The following UBN2 variants were observed in gnomAD, a reference collection of about 807,000 sequenced individuals.
UBN2 encodes ubinuclein-2.
UBN2 carries 35 observed loss-of-function variants against 120.2 expected under a neutral mutation model. The observed-to-expected ratio is 0.29, with a 90% CI of 0.22 to 0.39. UBN2 has a LOEUF of 0.39. Ranked by LOEUF, UBN2 falls within the 10% of genes least tolerant of loss-of-function variation. UBN2 has a pLI of 1.00. For synonymous variants in UBN2, 661 were observed against 648.7 expected (o/e 1.02, Z -0.29); for missense variants, 1,693 against 1,663.2 (o/e 1.02, Z -0.31).
At chr7:139,290,411 T>C (rs1410243336) in intron 15 of UBN2, among the ~76,000 whole-genome samples, 1 of 152,228 alleles carries the variant, frequency 6.6e-6, no homozygotes, top group Non-Finnish European at 1.5e-5. Context: ...CATGGAGTGG[T>C]GAAGATTTGT....
chr7:139,279,515 G>T (rs1209781990), intron 13 of UBN2, among the ~76,000 whole-genome samples, 155 bp downstream of exon 13: 2 of 152,170 alleles, frequency 1.3e-5, no homozygotes, highest in Non-Finnish European at 2.9e-5. Flanking sequence ...TTTTGTATTT[G>T]GGAGAATAGA....
At position 139,275,299 on chromosome 7, in the gene UBN2, A is replaced by G. The variant is rs558542358; in HGVS notation, c.1974-798A>G. The stretch of plus-strand genomic sequence containing the variant: ...TCTCAAAAAAAAAAAAAAAAAAAAA[A>G]GTCGCTGGGCACGGTGGCTCACGCC... On this transcript the variant is annotated intron_variant, in intron 11 of 17. Transcript: ENST00000473989. 4.2e-3 allele frequency among the ~76,000 whole-genome samples: 599 copies of G among 142,532 alleles called. 1 individual carries two copies. The highest frequency in any genetic ancestry group is 7.0e-3 in the Non-Finnish European group (458 of 65,272). 93.5% of individuals were successfully genotyped at this position (142,532 alleles called of 152,430 possible). A position where few individuals can be genotyped will look rare whatever the true frequency, so the allele number is the denominator to read the frequency against.
intron 17 of UBN2, among the ~76,000 whole-genome samples, chr7:139,297,574 T>A (rs1217583378): frequency 6.6e-6 from 1 of 152,154 alleles, no homozygotes; most frequent in Non-Finnish European, 1.5e-5. Flanking sequence ...CCACAGTCAT[T>A]TGAGAGAAGA....
At chr7:139,294,404 C>T (rs1053184190) in intron 17 of UBN2, among the ~76,000 whole-genome samples, 6 of 152,220 alleles carry the variant, frequency 3.9e-5, no homozygotes, top group Admixed American at 2.6e-4. Flanking sequence ...GAAACTGAAT[C>T]AGAGAGCTAA....
Position 139,293,980 on chromosome 7 carries a change from C to G in UBN2, c.3993C>G (p.His1331Gln). The G allele has an allele frequency of 6.2e-7, 1 of 1,613,778 alleles. No individual in the cohort carries two copies. The highest frequency in any genetic ancestry group is 2.2e-5 in the East Asian group (1 of 44,864). Residue 1331 changes from histidine (H) to glutamine (Q), a missense_variant and splice_region_variant, in exon 17 of 18, where the codon CAC becomes CAG. By Grantham distance (24) the His-to-Gln change is conservative (BLOSUM62 0). Transcript: ENST00000473989. ...CTGCACACTTACAGCAAGCATTTCA[C>G]GGTGAGAACGCCACCTCCTTCATCT... ...PLPAHLQQAF[H>Q]DGGQSKGDTK...
Position 139,304,067 on chromosome 7 carries a change from T to C in UBN2, c.*6231T>C, listed in dbSNP as rs1364239825. ...TGTTTGAGGACGGATAGCTAAGCTT[T>C]TTAACTTTCTAAGAATGAGTATGAT... is the stretch of plus-strand genomic sequence containing the variant. On this transcript the variant is annotated 3_prime_UTR_variant, in exon 18 of 18. Coordinates refer to ENST00000473989, the MANE Select transcript of UBN2 (RefSeq NM_173569.4). 1 of 152,156 alleles carries C rather than the reference T, an allele frequency of 6.6e-6. No individual in the cohort carries two copies. The highest frequency in any genetic ancestry group is 2.4e-5 in the African/African-American group (1 of 41,422). The allele number at this position is 152,156 out of a possible 1,614,324, so 9.4% of individuals were successfully genotyped here. A position where few individuals can be genotyped will look rare whatever the true frequency, so the allele number is the denominator to read the frequency against.
intron 1 of UBN2, 92 bp downstream of exon 1, chr7:139,232,044 A>T (rs1319027885): frequency 3.0e-6 from 4 of 1,315,868 alleles, no homozygotes; most frequent in Non-Finnish European, 4.1e-6. Context: ...ACGCCCACCG[A>T]GCGCGTCCGG....
At chr7:139,236,933 A>G in intron 1 of UBN2, 72 bp from the exon 2 acceptor site, 2 of 962,516 alleles carry the variant, frequency 2.1e-6, no homozygotes, top group South Asian at 3.3e-5. Context: ...ATAATGATAA[A>G]TAAACAAACA....
chr7:139,258,691 C>A, intron 4 of UBN2, 66 bp downstream of exon 4: 3 of 1,386,010 alleles, frequency 2.2e-6, no homozygotes, highest in South Asian at 1.8e-5. Flanking sequence ...TTTAATGTTA[C>A]TTGTGTCACA....
chr7:139,267,608 C>T (rs74878540), intron 7 of UBN2, among the ~76,000 whole-genome samples: 3,159 of 151,648 alleles, frequency 0.021, 123 homozygotes, highest in African/African-American at 0.073. Flanking sequence ...ATTTATAATA[C>T]TATGATTTCC....
rs10227334 is a variant in UBN2 at position 139,294,771 on chromosome 7, G to T, written c.3994+790G>T. Among the ~76,000 whole-genome samples, 1,313 of 152,224 alleles carry T rather than the reference G, an allele frequency of 8.6e-3. 23 individuals are homozygous for T. Among genetic ancestry groups the T allele is most frequent in the African/African-American group, 0.03 (1,246 of 41,540 alleles). On this transcript the variant is annotated intron_variant, in intron 17 of 17. Coordinates refer to ENST00000473989, the MANE Select transcript of UBN2 (RefSeq NM_173569.4). ...CAGAAGATTTGCTTGAACCCAGGAG[G>T]TGGAGGTTGCGGTGAGCCGAGATCA... is the stretch of plus-strand genomic sequence containing the variant.
In UBN2 at chr7:139,296,748, T is replaced by C. The variant is rs115871203; in HGVS notation, c.3995-1039T>C. On this transcript the variant is annotated intron_variant, in intron 17 of 17. Transcript: ENST00000473989. ...TGTAAAAATAGAAATTATTTTGAGC[T>C]GGTGTGGTGGCACACACCTGTAGTC... Among the ~76,000 whole-genome samples, 953 of 152,332 alleles carry C rather than the reference T, an allele frequency of 6.3e-3. 6 individuals carry two copies. Among genetic ancestry groups the C allele is most frequent in the African/African-American group, 0.021 (875 of 41,578 alleles).
intron 3 of UBN2, among the ~76,000 whole-genome samples, chr7:139,256,635 G>A (rs1438652662): frequency 6.6e-6 from 1 of 152,214 alleles, no homozygotes; most frequent in Non-Finnish European, 1.5e-5. Context: ...AAGAGTACAG[G>A]TGTTTTTATC....
chr7:139,273,966 G>C lies in UBN2; in HGVS notation c.1865G>C (p.Gly622Ala). ...LLCNLVEIKL[G>A]CYELEPNKSQ... ...TGTAACCTTGTTGAGATCAAATTGGGATGCTATGAGTTAGAACCAAATAAA... is the reference window on the plus strand; with the variant it reads ...TGTAACCTTGTTGAGATCAAATTGGCATGCTATGAGTTAGAACCAAATAAA... The change falls in exon 11 of 18, where the codon GGA (glycine) becomes GCA (alanine). Residue 622 changes from glycine (G) to alanine (A), a missense_variant. By Grantham distance (60) the Gly-to-Ala change is moderately conservative. Coordinates refer to ENST00000473989, the MANE Select transcript of UBN2 (RefSeq NM_173569.4). The C allele has an allele frequency of 6.2e-7, 1 of 1,612,420 alleles. No individual in the cohort carries two copies. Among genetic ancestry groups the C allele is most frequent in the Non-Finnish European group, 8.5e-7 (1 of 1,179,526 alleles).
chr7:139,234,358 A>G (rs1051105638), intron 1 of UBN2, among the ~76,000 whole-genome samples: 7 of 152,202 alleles, frequency 4.6e-5, no homozygotes, highest in Admixed American at 3.9e-4. Context: ...CATTTAAATC[A>G]GTTCCCTTCT....
chr7:139,264,930 G>T (rs769102054), intron 6 of UBN2, among the ~76,000 whole-genome samples: 1 of 151,908 alleles, frequency 6.6e-6, no homozygotes, highest in Non-Finnish European at 1.5e-5. Flanking sequence ...GATATTTTTG[G>T]GGTACATGTC....
chr7:139,261,834 G>A (rs757961922), intron 6 of UBN2, 93 bp downstream of exon 6: 40 of 1,277,708 alleles, frequency 3.1e-5, no homozygotes, highest in Non-Finnish European at 4.0e-5. Context: ...CATAACACTG[G>A]TATAATTGCT....
chr7:139,249,517 A>G (rs1318908451), intron 2 of UBN2, among the ~76,000 whole-genome samples: 5 of 152,214 alleles, frequency 3.3e-5, no homozygotes, highest in Non-Finnish European at 5.9e-5. Flanking sequence ...CATGTTACAT[A>G]CAACTTACTC....
Position 139,266,342 on chromosome 7 carries a change from C to T in UBN2, c.1405C>T (p.Leu469Phe), listed in dbSNP as rs1797099815. The T allele has an allele frequency of 6.4e-7, 1 of 1,570,086 alleles. No homozygotes were observed. The highest frequency in any genetic ancestry group is 8.7e-7 in the Non-Finnish European group (1 of 1,150,410). The change falls in exon 7 of 18, where the codon CTT becomes TTT. Residue 469 changes from leucine (L) to phenylalanine (F), a missense_variant. Coordinates refer to ENST00000473989, the MANE Select transcript of UBN2 (RefSeq NM_173569.4). ...RIEDLRVAAK[L>F]FDEEGRKKFF... ...TTTCTTGTTTCTTTAGGCTGCCAAA[C>T]TTTTTGATGAAGAAGGAAGGAAAAA... is the stretch of plus-strand genomic sequence containing the variant.
Sources: allele counts gnomAD v4.1 joint callset (sites outside exome capture counted in the v4.1 genomes callset), GRCh38; gene constraint gnomAD v4.1.1; transcripts MANE v1.5; gene names NCBI Gene and HGNC (gene_info 2026-07-23, HGNC 2026-07-21).